The following PDE1C variants were observed in gnomAD, a reference collection of about 807,000 sequenced individuals.
PDE1C encodes the protein dual specificity calcium/calmodulin-dependent 3',5'-cyclic nucleotide phosphodiesterase 1C.
PDE1C carries 62 observed loss-of-function variants against 93.1 expected under a neutral mutation model. That is an observed-to-expected ratio of 0.67 (90% CI 0.54 to 0.82). PDE1C has a LOEUF of 0.82. Among genes scored for constraint, PDE1C ranks in the 40% least tolerant of loss-of-function variants. The pLI, the probability that PDE1C is intolerant of heterozygous loss-of-function variation, is 0.00. For synonymous variants in PDE1C, 325 were observed against 310.1 expected (o/e 1.05, Z -0.50); for missense variants, 742 against 884.6 (o/e 0.84, Z 2.04).
chr7:32,032,552 G>A (rs1244749251), intron 2 of PDE1C, among the ~76,000 whole-genome samples: 1 of 152,172 alleles, frequency 6.6e-6, no homozygotes, highest in Non-Finnish European at 1.5e-5. Context: ...CAAGATGAAT[G>A]CAAAGAGAAA....
At chr7:32,371,955 A>C (rs1784342676) in intron 1 of PDE1C, among the ~76,000 whole-genome samples, 1 of 152,224 alleles carries the variant, frequency 6.6e-6, no homozygotes, top group Admixed American at 6.5e-5. Context: ...AAAGTACAGT[A>C]ATCAAGACAG....
At chr7:32,322,545 A>C (rs949285981) in intron 1 of PDE1C, among the ~76,000 whole-genome samples, 5 of 152,206 alleles carry the variant, frequency 3.3e-5, no homozygotes, top group Non-Finnish European at 7.3e-5. Flanking sequence ...TCAAGGATGC[A>C]GTAAGCTATG....
In PDE1C at chr7:31,753,460, G is replaced by C; in HGVS notation, c.2054C>G (p.Ala685Gly). Residue 685 changes from alanine (A) to glycine (G), a missense_variant, in exon 18 of 18, where the codon GCA (alanine) becomes GGA (glycine). Physicochemically the swap from Ala to Gly is moderately conservative, Grantham distance 60. This residue lies in a region of PDE1C where 454 missense variants were observed against 459.4 expected (regional missense o/e 0.99). Transcript: ENST00000396191. ...SVSKKTDEHP[A>G]RYKMLDQRIK... ...CCTCTGATCCAGCATCTTGTACCTT[G>C]CAGGATGCTCATCAGTTTTCTTTGA... The C allele has an allele frequency of 6.2e-7, 1 of 1,612,526 alleles. No homozygotes were observed.
rs563611765 is a variant in PDE1C at position 31,822,934 on chromosome 7, T to C, written c.1582+139A>G. On this transcript the variant is annotated intron_variant, in intron 14 of 17. Coordinates refer to ENST00000396191, the MANE Select transcript of PDE1C (RefSeq NM_001191057.4). ...CATTGATTCGTAGATATTATGAAGATCAAAAGATGGTAGATTCTAATATTC... is the reference window on the plus strand; with the variant it reads ...CATTGATTCGTAGATATTATGAAGACCAAAAGATGGTAGATTCTAATATTC... 1.0e-5 allele frequency: 7 copies of C among 698,072 alleles called. 1 individual carries two copies. In the South Asian group the frequency reaches 1.5e-4, roughly 15 times the overall value. The allele number at this position is 698,072 out of a possible 1,614,324, so 43.2% of individuals were successfully genotyped here. A position where few individuals can be genotyped will look rare whatever the true frequency, so the allele number is the denominator to read the frequency against.
chr7:31,838,224 A>G (rs780225920), intron 9 of PDE1C, among the ~76,000 whole-genome samples: 2 of 152,232 alleles, frequency 1.3e-5, no homozygotes, highest in Admixed American at 6.5e-5. Flanking sequence ...AAAAAATTCA[A>G]TGAAACTGAA....
At chr7:31,718,085 A>C in the PDE1C span, among the ~76,000 whole-genome samples, 3 of 152,144 alleles carry the variant, frequency 2.0e-5, no homozygotes, top group Non-Finnish European at 4.4e-5. Flanking sequence ...TCTGGAGAAT[A>C]TTAATACAGC....
intron 1 of PDE1C, among the ~76,000 whole-genome samples, chr7:32,221,615 T>C (rs2128854623): frequency 6.6e-6 from 1 of 152,278 alleles, no homozygotes; most frequent in Middle Eastern, 3.4e-3. Context: ...CTAAAGGACA[T>C]AACCCGCATT....
At chr7:32,096,701 C>G (rs928624869) in intron 3 of PDE1C, among the ~76,000 whole-genome samples, 1 of 152,118 alleles carries the variant, frequency 6.6e-6, no homozygotes, top group Non-Finnish European at 1.5e-5. Context: ...CTGCACATAA[C>G]CTATGTTTTA....
the PDE1C span, among the ~76,000 whole-genome samples, chr7:31,636,730 A>G: frequency 6.7e-6 from 1 of 150,050 alleles, no homozygotes; most frequent in Non-Finnish European, 1.5e-5. Flanking sequence ...TTTTTTAAAA[A>G]TTTTATTATT....
At chr7:32,166,449 C>A (rs1802279561) in intron 3 of PDE1C, among the ~76,000 whole-genome samples, 1 of 152,118 alleles carries the variant, frequency 6.6e-6, no homozygotes, top group Admixed American at 6.5e-5. Flanking sequence ...ACCTCAAGCC[C>A]TGGAAGCATG....
chr7:31,973,302 A>G (rs909296735), intron 2 of PDE1C, among the ~76,000 whole-genome samples: 3 of 152,176 alleles, frequency 2.0e-5, no homozygotes, highest in African/African-American at 4.8e-5. Flanking sequence ...ATTCATAAAA[A>G]TAACTAAAAA....
chr7:31,755,147 A>G (rs887488734), intron 17 of PDE1C, among the ~76,000 whole-genome samples: 2 of 152,222 alleles, frequency 1.3e-5, no homozygotes, highest in Non-Finnish European at 2.9e-5. Flanking sequence ...CTCTACATGT[A>G]TACCAGAATT....
At chr7:31,969,581 T>G (rs1029772501) in intron 2 of PDE1C, among the ~76,000 whole-genome samples, 1 of 152,206 alleles carries the variant, frequency 6.6e-6, no homozygotes, top group African/African-American at 2.4e-5. Flanking sequence ...GAAGTCAGTG[T>G]GGCGATTCCT....
chr7:32,015,090 C>T (rs1189386665), intron 2 of PDE1C, among the ~76,000 whole-genome samples: 3 of 151,992 alleles, frequency 2.0e-5, no homozygotes, highest in African/African-American at 7.3e-5. Context: ...CCCTGCCTTC[C>T]TGCCTTGCCC....
intron 2 of PDE1C, among the ~76,000 whole-genome samples, chr7:31,979,303 C>G (rs1336819716): frequency 6.6e-6 from 1 of 152,038 alleles, no homozygotes; most frequent in Non-Finnish European, 1.5e-5. Flanking sequence ...GAGAATTGGA[C>G]CAGTTATCCA....
chr7:31,921,987 G>T (rs187124334), intron 2 of PDE1C, among the ~76,000 whole-genome samples: 76 of 152,284 alleles, frequency 5.0e-4, no homozygotes, highest in African/African-American at 1.7e-3. Context: ...AGAGTTAAGA[G>T]AGGTTAATTA....
At chr7:31,690,704 C>T in the PDE1C span, among the ~76,000 whole-genome samples, 1 of 152,308 alleles carries the variant, frequency 6.6e-6, no homozygotes, top group Admixed American at 6.5e-5. Context: ...TAAAAACCGC[C>T]TTACCTTTCA....
At chr7:31,666,400 CT>C in the PDE1C span, among the ~76,000 whole-genome samples, 1 of 152,074 alleles carries the variant, frequency 6.6e-6, no homozygotes, top group Non-Finnish European at 1.5e-5. Flanking sequence ...TGCTAGTTCC[CT>C]CATTAATGAG....
chr7:32,052,023 GT>G (rs1228721798), intron 1 of PDE1C, among the ~76,000 whole-genome samples: 1 of 152,144 alleles, frequency 6.6e-6, no homozygotes, highest in East Asian at 1.9e-4. Context: ...ATAATGATCA[GT>G]TATTTATGTT....
Sources: gnomAD v4.1 joint callset for allele counts (sites outside exome capture counted in the v4.1 genomes callset) on GRCh38, gnomAD v4.1.1 for gene constraint, gnomAD v4.1.1 regional missense constraint, MANE v1.5 for transcripts, NCBI Gene and HGNC (gene_info 2026-07-23, HGNC 2026-07-21) for gene names.